Variants in PRR12 observed in about 807,000 individuals in gnomAD.
The protein encoded by PRR12 is proline-rich protein 12.
In PRR12, 12 loss-of-function variants were observed where a neutral mutation model predicts 138.0. The observed-to-expected ratio is 0.09, with a 90% confidence interval of 0.06 to 0.14. The LOEUF (loss-of-function observed/expected upper bound fraction) is 0.14. Ranked by LOEUF, PRR12 falls within the 10% of genes least tolerant of loss-of-function variation. The probability of loss-of-function intolerance (pLI) is 1.00; values close to 1 mark genes in which losing one functional copy is unlikely to be tolerated. For missense variants in PRR12, 2,692 were observed against 2,861.3 expected (o/e 0.94, Z 1.35); for synonymous variants, 1,567 against 1,291.7 (o/e 1.21, Z -4.57).
chr19:49,620,253 G>T, intron 9 of PRR12, 99 bp from the exon 10 acceptor site: 1 of 1,509,268 alleles, frequency 6.6e-7, no homozygotes, highest in Non-Finnish European at 9.0e-7. Flanking sequence ...CAAAAGCAGG[G>T]ATTTCTCTTC....
intron 6 of PRR12, among the ~76,000 whole-genome samples, chr19:49,609,877 A>G (rs960403365): frequency 6.6e-6 from 1 of 152,184 alleles, no homozygotes; most frequent in Non-Finnish European, 1.5e-5. Flanking sequence ...CCAGTAGGGA[A>G]GTGACTGGGG....
chr19:49,592,707 GC>G (rs2080736953), intron 1 of PRR12, among the ~76,000 whole-genome samples: 1 of 152,104 alleles, frequency 6.6e-6, no homozygotes, highest in Non-Finnish European at 1.5e-5. Flanking sequence ...CATTGCATGG[GC>G]CCATGCATTT....
chr19:49,604,536 G>T (rs376454439), intron 6 of PRR12, among the ~76,000 whole-genome samples: 8 of 152,044 alleles, frequency 5.3e-5, no homozygotes, highest in African/African-American at 1.9e-4. Flanking sequence ...CAATTAGCCG[G>T]GCATGGTGGC....
At position 49,614,767 on chromosome 19, in the gene PRR12, GCTGC is replaced by G. The variant is rs904930700; in HGVS notation, c.4891-107_4891-104del. ...CAGTGTATCTGGAAGGGGGCCCCCT[GCTGC>G]CGGCAGGCTCCAAGCAGCTGCCATG... is the stretch of plus-strand genomic sequence containing the variant. On this transcript the variant is annotated intron_variant, in intron 7 of 13. Transcript: ENST00000418929. This position sits in a 1 kb window ranked among gnomAD's most constrained non-coding sequence, Gnocchi z 5.0. 24 of 1,541,858 alleles carry G rather than the reference GCTGC, an allele frequency of 1.6e-5. No individual in the cohort carries two copies. The highest frequency in any genetic ancestry group is 2.0e-5 in the Non-Finnish European group (23 of 1,129,542).
chr19:49,591,543 A>AG lies in PRR12; in HGVS notation c.-106dup, dbSNP rs1256262118. On this transcript the variant is annotated 5_prime_UTR_variant, in exon 1 of 14. Transcript: ENST00000418929. Reference sequence around the variant, plus strand: ...GCAAAGAAAAAAAGAGAGAGAGAAAAGGGGGGAAAAAAAAGCAGCAGCGGA... The same window carrying AG: ...GCAAAGAAAAAAAGAGAGAGAGAAAAGGGGGGGAAAAAAAAGCAGCAGCGGA... The AG allele has an allele frequency of 1.6e-4, 97 of 608,938 alleles. No individual in the cohort carries two copies. Among genetic ancestry groups the AG allele is most frequent in the Non-Finnish European group, 2.3e-4 (90 of 388,712 alleles). 37.7% of individuals were successfully genotyped at this position (608,938 alleles called of 1,614,324 possible). A position where few individuals can be genotyped will look rare whatever the true frequency, so the allele number is the denominator to read the frequency against.
rs1355671435 is a variant in PRR12 at position 49,596,677 on chromosome 19, T to G, written c.2342T>G (p.Leu781Arg). The change falls in exon 4 of 14, where the codon CTC (leucine) becomes CGC (arginine). Residue 781 changes from leucine to arginine, a missense_variant. Coordinates refer to ENST00000418929, the MANE Select transcript of PRR12 (RefSeq NM_020719.3). The surrounding 1 kb of genome is among the most constrained non-coding windows in gnomAD (Gnocchi z 5.6). The part of the protein sequence containing the change: ...AQSTQPTPHG[L>R]LLEAGGPDLP... ...TCTACCCAGCCCACTCCCCATGGCC[T>G]CCTTCTGGAGGCCGGGGGCCCTGAC... The G allele has an allele frequency of 1.7e-5, 28 of 1,601,716 alleles. No homozygotes were observed. The highest frequency in any genetic ancestry group is 2.0e-4 in the Middle Eastern group (1 of 4,968).
intron 6 of PRR12, among the ~76,000 whole-genome samples, chr19:49,605,775 C>T (rs1359530790): frequency 2.0e-5 from 3 of 152,258 alleles, no homozygotes; most frequent in Non-Finnish European, 2.9e-5. Context: ...CTGACACCAC[C>T]TCCCAGCTGG....
At chr19:49,622,972 G>T (rs949382642) in intron 11 of PRR12, among the ~76,000 whole-genome samples, 4 of 143,380 alleles carry the variant, frequency 2.8e-5, no homozygotes, top group African/African-American at 5.4e-5. Context: ...GAGAGAGAGA[G>T]AGATATTAAT....
chr19:49,607,356 C>CGT (rs1158767258), intron 6 of PRR12, among the ~76,000 whole-genome samples: 1 of 146,896 alleles, frequency 6.8e-6, no homozygotes, highest in African/African-American at 2.6e-5. Context: ...CTGTCATGTA[C>CGT]GTGTGCACAC....
At position 49,601,926 on chromosome 19, in the gene PRR12, C is replaced by T; in HGVS notation, c.4773+8C>T. The T allele has an allele frequency of 6.2e-7, 1 of 1,608,372 alleles. No individual in the cohort carries two copies. The highest frequency in any genetic ancestry group is 1.1e-5 in the South Asian group (1 of 90,234). ...GACATCCCTTCCCTCAAGGTGAGTC[C>T]CAGCCTTCTCCAGAAACTGGGCCTG... On this transcript the variant is annotated splice_region_variant and intron_variant, in intron 6 of 13. Transcript: ENST00000418929.
Position 49,596,837 on chromosome 19 carries a change from GCCACCT to G in PRR12, c.2508_2513del (p.Pro844_Pro845del), listed in dbSNP as rs778541464. 6.3e-7 allele frequency: 1 copy of G among 1,591,070 alleles called. No individual in the cohort carries two copies. The highest frequency in any genetic ancestry group is 2.2e-5 in the East Asian group (1 of 44,590). Reference sequence around the variant, plus strand: ...CAGCCACCCGCGATGGGGCACCCCAGCCACCTCCACCGCCACCCCCGCCTCCACCAC... The same window carrying G: ...CAGCCACCCGCGATGGGGCACCCCAGCCACCGCCACCCCCGCCTCCACCAC... On this transcript the variant is annotated inframe_deletion, in exon 4 of 14. Coordinates refer to ENST00000418929, the MANE Select transcript of PRR12 (RefSeq NM_020719.3). The surrounding 1 kb of genome is among the most constrained non-coding windows in gnomAD (Gnocchi z 5.6).
At chr19:49,613,877 G>A (rs1375935560) in intron 6 of PRR12, among the ~76,000 whole-genome samples, 2 of 152,172 alleles carry the variant, frequency 1.3e-5, no homozygotes, top group African/African-American at 4.8e-5. Context: ...GGGAGGCCGA[G>A]CCGGGTGGAT....
intron 6 of PRR12, among the ~76,000 whole-genome samples, chr19:49,606,821 A>G (rs1409536392): frequency 1.3e-5 from 2 of 151,558 alleles, no homozygotes; most frequent in East Asian, 3.9e-4. Context: ...TAATTTTTGT[A>G]TTTTTAGTAG....
rs746685827 is a variant in PRR12 at position 49,596,732 on chromosome 19, C to T, written c.2397C>T (p.Pro799=). 2 of 1,605,042 alleles carry T rather than the reference C, an allele frequency of 1.2e-6. No homozygotes were observed. Among genetic ancestry groups the T allele is most frequent in the South Asian group, 1.1e-5 (1 of 90,860 alleles). ...DLPLVLPPPP[P]QLLPSVLSHA... ...CACTGGTGCTGCCTCCGCCTCCCCCCCAGCTGCTCCCCTCGGTCCTCAGCC... is the reference window on the plus strand; with the variant it reads ...CACTGGTGCTGCCTCCGCCTCCCCCTCAGCTGCTCCCCTCGGTCCTCAGCC... Residue 799 remains proline (P), a synonymous_variant, in exon 4 of 14, where the codon CCC becomes CCT. Transcript: ENST00000418929. The surrounding 1 kb of genome is among the most constrained non-coding windows in gnomAD (Gnocchi z 5.6).
intron 9 of PRR12, among the ~76,000 whole-genome samples, chr19:49,618,860 C>T (rs1284284369): frequency 6.6e-6 from 1 of 151,992 alleles, no homozygotes; most frequent in Non-Finnish European, 1.5e-5. Context: ...GGACTTCAGC[C>T]TCACTCCTCC....
chr19:49,600,652 TAAAC>T (rs2080805139), intron 5 of PRR12, among the ~76,000 whole-genome samples: 1 of 151,168 alleles, frequency 6.6e-6, no homozygotes, highest in African/African-American at 2.4e-5. Flanking sequence ...GACCCTGTCT[TAAAC>T]AAAAAACCCC....
rs1327409636 is a variant in PRR12, at chr19:49,591,745, G to A, written c.86+5G>A. The stretch of plus-strand genomic sequence containing the variant: ...CGAGAGGTCAGCGAAAGCTAGGTAA[G>A]GAGCTGAGGGTGGCCTAGAGAAGGG... On this transcript the variant is annotated splice_donor_5th_base_variant and intron_variant, in intron 1 of 13. Coordinates refer to ENST00000418929, the MANE Select transcript of PRR12 (RefSeq NM_020719.3). The A allele has an allele frequency of 2.0e-6, 3 of 1,476,326 alleles. No individual in the cohort carries two copies. The African/African-American group carries it at 4.4e-5, about 22-fold the overall frequency. 91.5% of individuals were successfully genotyped at this position (1,476,326 alleles called of 1,614,324 possible). A position where few individuals can be genotyped will look rare whatever the true frequency, so the allele number is the denominator to read the frequency against.
At chr19:49,619,369 G>C (rs2080909258) in intron 9 of PRR12, among the ~76,000 whole-genome samples, 2 of 150,606 alleles carry the variant, frequency 1.3e-5, no homozygotes, top group South Asian at 4.2e-4. Context: ...CCGAGTCGCT[G>C]TGATTACAGG....
chr19:49,592,074 C>T (rs2080731751), intron 1 of PRR12, among the ~76,000 whole-genome samples: 1 of 151,974 alleles, frequency 6.6e-6, no homozygotes, highest in Non-Finnish European at 1.5e-5. Flanking sequence ...GCTTGGTGAC[C>T]CCTCCCCCCC....
Sources: gnomAD v4.1 joint callset for allele counts (sites outside exome capture counted in the v4.1 genomes callset) on GRCh38, gnomAD v4.1.1 for gene constraint, Gnocchi (gnomAD v3.1) non-coding constraint, MANE v1.5 for transcripts, NCBI Gene and HGNC (gene_info 2026-07-23, HGNC 2026-07-21) for gene names.